Variants in PIK3R4 observed in about 807,000 individuals in gnomAD.
The protein encoded by PIK3R4 is phosphoinositide-3-kinase regulatory subunit 4.
Under a neutral mutation model 136.5 loss-of-function variants are expected in PIK3R4, and 46 were observed. The observed-to-expected ratio is 0.34, with a 90% CI of 0.27 to 0.43. The LOEUF (loss-of-function observed/expected upper bound fraction) is 0.43, where lower values mean the gene tolerates loss of function less well. Ranked by LOEUF, PIK3R4 falls within the 20% of genes least tolerant of loss-of-function variation. The pLI, the probability that PIK3R4 is intolerant of heterozygous loss-of-function variation, is 1.00. For missense variants in PIK3R4, 1,331 were observed against 1,649.5 expected, an observed-to-expected ratio of 0.81 and a Z score of 3.35; for synonymous variants, 557 against 566.7, an observed-to-expected ratio of 0.98 and a Z score of 0.24.
intron 7 of PIK3R4, among the ~76,000 whole-genome samples, chr3:130,721,062 G>A (rs1373095774): frequency 2.6e-5 from 4 of 151,788 alleles, no homozygotes; most frequent in African/African-American, 4.8e-5. Context: ...TAGGCCGGGC[G>A]CGGTGGCTCA....
At chr3:130,709,825 A>T (rs1232884613) in intron 9 of PIK3R4, among the ~76,000 whole-genome samples, 1 of 152,216 alleles carries the variant, frequency 6.6e-6, no homozygotes, top group Non-Finnish European at 1.5e-5. Flanking sequence ...CAGATTAAGC[A>T]AATCCATAGA....
At chr3:130,737,221 T>C (rs1178282814) in intron 2 of PIK3R4, among the ~76,000 whole-genome samples, 1 of 152,184 alleles carries the variant, frequency 6.6e-6, no homozygotes, top group East Asian at 1.9e-4. Flanking sequence ...CAGGCCCCAC[T>C]ACCACAACTA....
intron 10 of PIK3R4, among the ~76,000 whole-genome samples, chr3:130,708,076 C>A (rs1402661697): frequency 6.6e-6 from 1 of 152,160 alleles, no homozygotes; most frequent in Non-Finnish European, 1.5e-5. Flanking sequence ...TTGTCACATA[C>A]AGAGCTGTGA....
At chr3:130,701,565 A>C (rs902467965) in intron 13 of PIK3R4, among the ~76,000 whole-genome samples, 12 of 151,756 alleles carry the variant, frequency 7.9e-5, no homozygotes, top group African/African-American at 2.9e-4. Flanking sequence ...TGGTAGTAGC[A>C]GGGGAAGGAA....
intron 13 of PIK3R4, among the ~76,000 whole-genome samples, chr3:130,696,672 T>C (rs2066547795): frequency 6.6e-6 from 1 of 152,192 alleles, no homozygotes; most frequent in African/African-American, 2.4e-5. Flanking sequence ...TAATATATGG[T>C]TAAATATAGA....
chr3:130,737,657 C>A (rs1449421323), intron 2 of PIK3R4, among the ~76,000 whole-genome samples: 1 of 151,958 alleles, frequency 6.6e-6, no homozygotes, highest in Non-Finnish European at 1.5e-5. Flanking sequence ...CAGACTCTGT[C>A]TCAAAAAAAG....
At chr3:130,714,408 T>C (rs1164828713) in intron 9 of PIK3R4, among the ~76,000 whole-genome samples, 1 of 152,204 alleles carries the variant, frequency 6.6e-6, no homozygotes, top group African/African-American at 2.4e-5. Context: ...TCTTTTTTTC[T>C]TGGCTTCCCA....
At chr3:130,695,728 G>A (rs1316310122) in intron 13 of PIK3R4, among the ~76,000 whole-genome samples, 5 of 152,060 alleles carry the variant, frequency 3.3e-5, no homozygotes, top group Non-Finnish European at 7.4e-5. Context: ...CTCTTACTGT[G>A]CCTAATTTAT....
rs1275532508 is a variant in PIK3R4, at chr3:130,705,755, G to C, written c.2738C>G (p.Thr913Ser). ...STSSQVPEVT[T>S]VQNKKPVIPV... is the part of the protein sequence containing the mutation. ...TATTACTGGTTTTTTATTTTGGACAGTTGTCACTTCTGGAACCTACAAAAC... is the reference window on the plus strand; with the variant it reads ...TATTACTGGTTTTTTATTTTGGACACTTGTCACTTCTGGAACCTACAAAAC... The change falls in exon 12 of 20, where the codon ACT becomes AGT. Residue 913 changes from threonine (T) to serine (S), a missense_variant. Transcript: ENST00000356763. 1 of 1,602,938 alleles carries C rather than the reference G, an allele frequency of 6.2e-7. No individual in the cohort carries two copies. Among genetic ancestry groups the C allele is most frequent in the Non-Finnish European group, 8.5e-7 (1 of 1,170,074 alleles).
At chr3:130,741,681 A>C (rs899083155) in intron 2 of PIK3R4, among the ~76,000 whole-genome samples, 5 of 152,116 alleles carry the variant, frequency 3.3e-5, no homozygotes, top group African/African-American at 1.2e-4. Flanking sequence ...GCTTGGCTAT[A>C]ACACATCACT....
Position 130,735,918 on chromosome 3 carries a change from A to G in PIK3R4, c.818T>C (p.Phe273Ser). 6.2e-7 allele frequency: 1 copy of G among 1,612,364 alleles called. No individual in the cohort carries two copies. Among genetic ancestry groups the G allele is most frequent in the Non-Finnish European group, 8.5e-7 (1 of 1,179,096 alleles). Residue 273 changes from phenylalanine to serine, a missense_variant, in exon 3 of 20, where the codon TTC becomes TCC. Around this residue, in one of 2 missense-constraint regions of PIK3R4, gnomAD observed 1,180 missense variants for 1,407.0 expected, o/e 0.84. Transcript: ENST00000356763. ...QLLAYRNGHF[F>S]PEQVLNKIED... is the part of the protein sequence containing the mutation. Reference sequence around the variant, plus strand: ...AATTTTATTTAGCACTTGTTCAGGGAAAAAATGTCCATTTCTATAAGCCAA... The same window carrying G: ...AATTTTATTTAGCACTTGTTCAGGGGAAAAATGTCCATTTCTATAAGCCAA...
rs192325154 is a variant in PIK3R4, at chr3:130,742,758, A to C, written c.733+1728T>G. Reference sequence around the variant, plus strand: ...TAATAAACCTACAAGCAAGAAAAAAATTAAGCCAAACCATCACAAAATTTA... The same window carrying C: ...TAATAAACCTACAAGCAAGAAAAAACTTAAGCCAAACCATCACAAAATTTA... On this transcript the variant is annotated intron_variant, in intron 2 of 19. Coordinates refer to ENST00000356763, the MANE Select transcript of PIK3R4 (RefSeq NM_014602.3). 3.3e-5 allele frequency among the ~76,000 whole-genome samples: 5 copies of C among 152,342 alleles called. No individual in the cohort carries two copies. The East Asian group carries it at 9.6e-4, about 29-fold the overall frequency.
chr3:130,727,382 C>G (rs2066738471), intron 6 of PIK3R4, among the ~76,000 whole-genome samples: 1 of 152,196 alleles, frequency 6.6e-6, no homozygotes, highest in South Asian at 2.1e-4. Context: ...CGCCACCGCG[C>G]CCGGCTGATT....
rs546237595 is a variant in PIK3R4, at chr3:130,684,524, T to A, written c.3476-143A>T. The A allele has an allele frequency of 8.1e-5, 54 of 670,638 alleles. No homozygotes were observed. The African/African-American group carries it at 8.3e-4, about 10-fold the overall frequency. The allele number at this position is 670,638 out of a possible 1,614,324, so 41.5% of individuals were successfully genotyped here. A position where few individuals can be genotyped will look rare whatever the true frequency, so the allele number is the denominator to read the frequency against. ...TACTTAAAAAAAAGTTTTGTTCTCA[T>A]GAAGCTGTCTCACCATTTTCAAACA... On this transcript the variant is annotated intron_variant, in intron 15 of 19. Transcript: ENST00000356763.
intron 14 of PIK3R4, among the ~76,000 whole-genome samples, chr3:130,687,958 C>T (rs958389517): frequency 1.3e-5 from 2 of 152,138 alleles, no homozygotes; most frequent in African/African-American, 2.4e-5. Flanking sequence ...ATTGCTACGG[C>T]AGTGTGCCTG....
Position 130,734,081 on chromosome 3 carries a change from T to C in PIK3R4, c.917A>G (p.Asp306Gly). Reference sequence around the variant, plus strand: ...ATTGCCACGCTGCTGTTTTAAGTAATCTTCTGCCTCTAAACGTTTATCTGG... The same window carrying C: ...ATTGCCACGCTGCTGTTTTAAGTAACCTTCTGCCTCTAAACGTTTATCTGG... ...REPDKRLEAEDYLKQQRGNAF... is the reference protein window; with the variant it reads ...REPDKRLEAEGYLKQQRGNAF... The change falls in exon 4 of 20, where the codon GAT (aspartate) becomes GGT (glycine). Residue 306 changes from aspartate to glycine, a missense_variant. By Grantham distance (94) the Asp-to-Gly change is moderately conservative. Transcript: ENST00000356763. The C allele has an allele frequency of 6.2e-7, 1 of 1,614,078 alleles. No individual in the cohort carries two copies. Among genetic ancestry groups the C allele is most frequent in the Non-Finnish European group, 8.5e-7 (1 of 1,179,956 alleles).
At chr3:130,689,474 CAA>C in intron 14 of PIK3R4, among the ~76,000 whole-genome samples, 1 of 152,290 alleles carries the variant, frequency 6.6e-6, no homozygotes, top group East Asian at 1.9e-4. Context: ...ATGTCCTGGA[CAA>C]AAGCTGCTTA....
intron 7 of PIK3R4, among the ~76,000 whole-genome samples, chr3:130,722,737 C>T (rs1306951437): frequency 6.6e-6 from 1 of 151,858 alleles, no homozygotes; most frequent in African/African-American, 2.4e-5. Context: ...CCAGTCAAGG[C>T]TTTACCCACA....
In PIK3R4 at chr3:130,723,454, C is replaced by T. The variant is rs140664366; in HGVS notation, c.1941G>A (p.Leu647=). 177 of 1,607,216 alleles carry T rather than the reference C, an allele frequency of 1.1e-4. No individual in the cohort carries two copies. Among genetic ancestry groups the T allele is most frequent in the Non-Finnish European group, 1.0e-4 (120 of 1,176,952 alleles). The change falls in exon 7 of 20, where the codon CTG becomes CTA. Residue 647 remains leucine (L), a synonymous_variant. Coordinates refer to ENST00000356763, the MANE Select transcript of PIK3R4 (RefSeq NM_014602.3). ...YALTCMCQLG[L]LQKPHVYEFA... is the part of the protein sequence containing the mutation. ...ATTCGTAAACATGGGGTTTTTGTAG[C>T]AGTCCTAACTGGCACATACAAGTAA... is the stretch of plus-strand genomic sequence containing the variant.
Sources: gnomAD v4.1 joint callset for allele counts (sites outside exome capture counted in the v4.1 genomes callset) on GRCh38, gnomAD v4.1.1 for gene constraint, gnomAD v4.1.1 regional missense constraint, MANE v1.5 for transcripts, NCBI Gene and HGNC (gene_info 2026-07-23, HGNC 2026-07-21) for gene names.